Variants in PCK2 observed in about 807,000 individuals in gnomAD.
The protein encoded by PCK2 is phosphoenolpyruvate carboxykinase 2, mitochondrial, also known as phosphoenolpyruvate carboxykinase [GTP], mitochondrial.
In PCK2, 56 loss-of-function variants were observed where a neutral mutation model predicts 65.9. The observed-to-expected ratio is 0.85, with a 90% confidence interval of 0.69 to 1.06. The LOEUF is 1.06. PCK2 is among the 50% of genes least tolerant of loss of function. The pLI, the probability that PCK2 is intolerant of heterozygous loss-of-function variation, is 0.00. For synonymous variants in PCK2, 305 were observed against 319.6 expected (o/e 0.95, Z 0.49); for missense variants, 843 against 863.1 (o/e 0.98, Z 0.29).
intron 1 of PCK2, chr14:24,095,228 A>C (rs1566571833): frequency 4.4e-6 from 2 of 455,938 alleles, no homozygotes; most frequent in Admixed American, 4.7e-5. Context: ...TCTGAAGGAA[A>C]CGTCCCACTT....
rs141936878 is a variant in PCK2, at chr14:24,103,543, G to A, written c.1502G>A (p.Arg501Gln). 104 of 1,564,192 alleles carry A rather than the reference G, an allele frequency of 6.6e-5. No individual in the cohort carries two copies. The African/African-American group carries it at 9.5e-4, about 14-fold the overall frequency. Residue 501 changes from arginine to glutamine, a missense_variant, in exon 10 of 10, where the codon CGG becomes CAG. Coordinates refer to ENST00000216780, the MANE Select transcript of PCK2 (RefSeq NM_004563.4). ...KIIMHDPFAM[R>Q]PFFGYNFGHY... Reference sequence around the variant, plus strand: ...ATCATGCACGACCCATTTGCCATGCGGCCCTTTTTTGGCTACAACTTCGGG... The same window carrying A: ...ATCATGCACGACCCATTTGCCATGCAGCCCTTTTTTGGCTACAACTTCGGG...
At chr14:24,096,752 C>G in intron 1 of PCK2, 140 bp from the exon 2 acceptor site, 1 of 735,368 alleles carries the variant, frequency 1.4e-6, no homozygotes, top group Non-Finnish European at 2.4e-6. Context: ...ATCCCACACA[C>G]CAACTGCAAC....
intron 5 of PCK2, 96 bp downstream of exon 5, chr14:24,099,332 C>T (rs1406309107): frequency 4.0e-6 from 5 of 1,255,028 alleles, no homozygotes; most frequent in South Asian, 2.8e-5. Context: ...CTGCCAGGTG[C>T]CAGGCTGGTG....
chr14:24,101,190 A>G (rs573031471), intron 7 of PCK2, among the ~76,000 whole-genome samples: 1 of 152,342 alleles, frequency 6.6e-6, no homozygotes, highest in African/African-American at 2.4e-5. Flanking sequence ...CTAGTTCCCC[A>G]ACCCTTTCAT....
In PCK2 at chr14:24,104,052, T is replaced by A; in HGVS notation, c.*88T>A. On this transcript the variant is annotated 3_prime_UTR_variant, in exon 10 of 10. Coordinates refer to ENST00000216780, the MANE Select transcript of PCK2 (RefSeq NM_004563.4). The stretch of plus-strand genomic sequence containing the variant: ...GCAGAAAATATGAGCAATTTGATAT[T>A]AACTAACATCTTCAATGTGCCATAG... The A allele has an allele frequency of 4.7e-6, 4 of 853,120 alleles. No individual in the cohort carries two copies. Among genetic ancestry groups the A allele is most frequent in the Non-Finnish European group, 7.7e-6 (4 of 520,322 alleles). 52.8% of individuals were successfully genotyped at this position (853,120 alleles called of 1,614,324 possible).
chr14:24,098,541 T>A lies in PCK2; in HGVS notation c.527T>A (p.Val176Glu). The A allele has an allele frequency of 6.2e-7, 1 of 1,614,096 alleles. No individual in the cohort carries two copies. The highest frequency in any genetic ancestry group is 1.1e-5 in the South Asian group (1 of 91,078). Residue 176 changes from valine to glutamate, a missense_variant, in exon 4 of 10, where the codon GTG becomes GAG. Val to Glu is a moderately radical substitution (Grantham distance 121). Coordinates refer to ENST00000216780, the MANE Select transcript of PCK2 (RefSeq NM_004563.4). ...PVGSPLSRIG[V>E]QLTDSAYVVA... ...GGCTCCCCGCTGTCCCGCATCGGGG[T>A]GCAGCTCACTGACTCAGCCTATGTG...
rs200658873 is a variant in PCK2 at position 24,103,883 on chromosome 14, G to A, written c.1842G>A (p.Leu614=). The A allele has an allele frequency of 5.4e-5, 87 of 1,614,052 alleles. No homozygotes were observed. The highest frequency in any genetic ancestry group is 7.1e-5 in the Non-Finnish European group (84 of 1,180,034). ...AGGTTCGTGACATTCGGAGCTACCT[G>A]ACAGAGCAGGTCAACCAGGATCTGC... is the stretch of plus-strand genomic sequence containing the variant. The part of the protein sequence containing the change: ...EQEVRDIRSY[L]TEQVNQDLPK... Residue 614 remains leucine (L), a synonymous_variant, in exon 10 of 10, where the codon CTG becomes CTA. Transcript: ENST00000216780.
intron 1 of PCK2, among the ~76,000 whole-genome samples, chr14:24,096,107 T>TA (rs1392611247): frequency 6.6e-6 from 1 of 151,360 alleles, no homozygotes; most frequent in Non-Finnish European, 1.5e-5. Flanking sequence ...TTTTAATTTA[T>TA]AAAAAACTAT....
chr14:24,102,023 T>C (rs2037180520), intron 7 of PCK2, among the ~76,000 whole-genome samples: 1 of 151,056 alleles, frequency 6.6e-6, no homozygotes, highest in East Asian at 2.0e-4. Context: ...GTCAGGAGTT[T>C]GAAACCAGCC....
chr14:24,096,228 C>CTTTT (rs34592767), intron 1 of PCK2, among the ~76,000 whole-genome samples: 6 of 58,878 alleles, frequency 1.0e-4, no homozygotes, highest in South Asian at 1.0e-3. Context: ...CTACTCATTT[C>CTTTT]TTTTTTTTTT....
At chr14:24,100,481 T>A in intron 7 of PCK2, 1 of 821,434 alleles carries the variant, frequency 1.2e-6, no homozygotes, top group Non-Finnish European at 1.7e-6. Context: ...AGTACCTATC[T>A]CATGAGATTG....
In PCK2 at chr14:24,103,223, GCT is replaced by G. The variant is rs760300557; in HGVS notation, c.1439_1440del (p.Ser480Ter). 6.2e-7 allele frequency: 1 copy of G among 1,613,922 alleles called. No homozygotes were observed. The highest frequency in any genetic ancestry group is 1.1e-5 in the South Asian group (1 of 91,066). On this transcript the variant is annotated frameshift_variant, in exon 9 of 10. Transcript: ENST00000216780. LOFTEE classifies it high-confidence loss of function. ...GGGGTGTTTGTGGGCAGCGCCATGC[GCT>G]CTGAGTCCACTGCTGCAGCAGAACA...
chr14:24,103,050 T>C (rs2037227542), intron 8 of PCK2, 110 bp from the exon 9 acceptor site: 20 of 1,193,598 alleles, frequency 1.7e-5, no homozygotes, highest in Non-Finnish European at 2.5e-5. Flanking sequence ...GGTCTGAAAA[T>C]GGGATAGCCG....
rs370993187 is a variant in PCK2 at position 24,099,030 on chromosome 14, A to G, written c.665-19A>G. The G allele has an allele frequency of 3.3e-5, 53 of 1,585,856 alleles. No individual in the cohort carries two copies. The African/African-American group carries it at 6.0e-4, about 18-fold the overall frequency. ...TCCTGATGCTGCTGCCAGCAGCCCC[A>G]TGACCCCATTGTCCCCAGGGGAGCC... is the stretch of plus-strand genomic sequence containing the variant. On this transcript the variant is annotated intron_variant, in intron 4 of 9. Transcript: ENST00000216780.
chr14:24,103,031 G>A, intron 8 of PCK2, 129 bp from the exon 9 acceptor site: 2 of 1,191,198 alleles, frequency 1.7e-6, no homozygotes, highest in South Asian at 1.3e-5. Context: ...AACTTGGGAG[G>A]AGGCAAAGGG....
chr14:24,103,864 G>A lies in PCK2; in HGVS notation c.1823G>A (p.Arg608His), dbSNP rs149831874. 2.6e-5 allele frequency: 42 copies of A among 1,614,024 alleles called. No individual in the cohort carries two copies. Among genetic ancestry groups the A allele is most frequent in the East Asian group, 1.6e-4 (7 of 44,890 alleles). ...LPKDFWEQEV[R>H]DIRSYLTEQV... ...AAGGACTTCTGGGAACAGGAGGTTC[G>A]TGACATTCGGAGCTACCTGACAGAG... The change falls in exon 10 of 10, where the codon CGT (arginine) becomes CAT (histidine). Residue 608 changes from arginine to histidine, a missense_variant. Arg to His is a conservative substitution (Grantham distance 29). Transcript: ENST00000216780.
At position 24,103,975 on chromosome 14, in the gene PCK2, TA is replaced by T. The variant is rs759388451; in HGVS notation, c.*12del. On this transcript the variant is annotated 3_prime_UTR_variant, in exon 10 of 10. Transcript: ENST00000216780. ...GTGCACAAAATGTGACCTGAGGCCC[TA>T]GTCTAGCAAGAGGACATAGCACCCT... 30 of 1,604,126 alleles carry T rather than the reference TA, an allele frequency of 1.9e-5. No individual in the cohort carries two copies. In the African/African-American group the frequency reaches 4.0e-4, roughly 21 times the overall value.
At chr14:24,095,239 A>G in intron 1 of PCK2, 1 of 455,808 alleles carries the variant, frequency 2.2e-6, no homozygotes, top group South Asian at 1.5e-5. Flanking sequence ...CGTCCCACTT[A>G]GAGGGCTGCA....
rs921354578 is a variant in PCK2, at chr14:24,094,850, G to A, written c.29+416G>A. On this transcript the variant is annotated intron_variant, in intron 1 of 9. Coordinates refer to ENST00000216780, the MANE Select transcript of PCK2 (RefSeq NM_004563.4). This position sits in a 1 kb window ranked among gnomAD's most constrained non-coding sequence, Gnocchi z 4.1. ...AGCAGGGCCCTGGGGACAAGGGTACGTGAGCCCCGGGAGACTAAGCTCAGA... is the reference window on the plus strand; with the variant it reads ...AGCAGGGCCCTGGGGACAAGGGTACATGAGCCCCGGGAGACTAAGCTCAGA... The A allele has an allele frequency of 1.4e-5, 18 of 1,307,750 alleles. No individual in the cohort carries two copies. Among genetic ancestry groups the A allele is most frequent in the Non-Finnish European group, 1.8e-5 (18 of 1,000,860 alleles). 81.0% of individuals were successfully genotyped at this position (1,307,750 alleles called of 1,614,324 possible).
Sources: gnomAD v4.1 joint callset for allele counts (sites outside exome capture counted in the v4.1 genomes callset) on GRCh38, gnomAD v4.1.1 for gene constraint, Gnocchi (gnomAD v3.1) non-coding constraint, MANE v1.5 for transcripts, NCBI Gene and HGNC (gene_info 2026-07-23, HGNC 2026-07-21) for gene names.